The following UGGT2 variants were observed in gnomAD, a reference collection of about 807,000 sequenced individuals.
The protein encoded by UGGT2 is UDP-glucose glycoprotein glucosyltransferase 2.
UGGT2 carries 180 observed loss-of-function variants against 192.1 expected under a neutral mutation model. The observed-to-expected ratio is 0.94, with a 90% CI of 0.83 to 1.06. The LOEUF (loss-of-function observed/expected upper bound fraction) is 1.06. Ranked by LOEUF, UGGT2 falls within the 50% of genes least tolerant of loss-of-function variation. The probability of loss-of-function intolerance (pLI) is 0.00; values close to 1 mark genes in which losing one functional copy is unlikely to be tolerated. For missense variants in UGGT2, 1,849 were observed against 1,795.7 expected, an observed-to-expected ratio of 1.03 and a Z score of -0.54; for synonymous variants, 580 against 591.0, an observed-to-expected ratio of 0.98 and a Z score of 0.27.
At chr13:96,029,909 G>A (rs2139150352) in intron 2 of UGGT2, among the ~76,000 whole-genome samples, 1 of 152,256 alleles carries the variant, frequency 6.6e-6, no homozygotes, top group South Asian at 2.1e-4. Context: ...TTAGGTGAGA[G>A]ACACGAAATT....
chr13:95,869,390 T>C (rs555509957), intron 29 of UGGT2, among the ~76,000 whole-genome samples: 30 of 152,320 alleles, frequency 2.0e-4, no homozygotes, highest in African/African-American at 6.5e-4. Flanking sequence ...TATAATCCTT[T>C]GGGTATATAC....
At chr13:95,810,806 C>T (rs1884543323) in intron 38 of UGGT2, among the ~76,000 whole-genome samples, 1 of 151,990 alleles carries the variant, frequency 6.6e-6, no homozygotes, top group South Asian at 2.1e-4. Context: ...CAGAGGACAT[C>T]ATCAAGAAAA....
At chr13:95,943,705 G>C (rs1052830413) in intron 15 of UGGT2, among the ~76,000 whole-genome samples, 13 of 151,868 alleles carry the variant, frequency 8.6e-5, no homozygotes, top group African/African-American at 3.1e-4. Context: ...ATTCTTTTGA[G>C]TCTCCTCTGT....
chr13:95,996,025 G>C (rs370982750), intron 7 of UGGT2, 38 bp downstream of exon 7: 9 of 1,558,182 alleles, frequency 5.8e-6, no homozygotes, highest in Non-Finnish European at 7.1e-6. Flanking sequence ...AAAACCAATG[G>C]GTATAATAAT....
At chr13:96,018,440 T>C (rs2052405762) in intron 4 of UGGT2, among the ~76,000 whole-genome samples, 1 of 152,086 alleles carries the variant, frequency 6.6e-6, no homozygotes, top group Non-Finnish European at 1.5e-5. Context: ...AACTTGAGCC[T>C]GGGAAGCAGA....
At chr13:95,951,451 C>A (rs1396027822) in intron 12 of UGGT2, among the ~76,000 whole-genome samples, 3 of 152,096 alleles carry the variant, frequency 2.0e-5, no homozygotes, top group Non-Finnish European at 4.4e-5. Flanking sequence ...TTATCTTGAC[C>A]CAAAGGCAGC....
chr13:96,012,611 G>T (rs2052197074), intron 5 of UGGT2, among the ~76,000 whole-genome samples: 1 of 151,854 alleles, frequency 6.6e-6, no homozygotes, highest in African/African-American at 2.4e-5. Context: ...ATATTTTTAA[G>T]GTTTTAATTA....
At chr13:95,805,193 A>C (rs1195982693) in intron 38 of UGGT2, among the ~76,000 whole-genome samples, 1 of 152,138 alleles carries the variant, frequency 6.6e-6, no homozygotes, top group East Asian at 1.9e-4. Flanking sequence ...AATATGCTCA[A>C]TATCACTAAT....
intron 10 of UGGT2, 35 bp from the exon 11 acceptor site, chr13:95,972,706 T>C (rs756462118): frequency 1.1e-5 from 17 of 1,487,406 alleles, no homozygotes; most frequent in Admixed American, 1.7e-5. Context: ...TAACCAGTGA[T>C]AGAACAATAG....
intron 29 of UGGT2, among the ~76,000 whole-genome samples, chr13:95,875,312 C>T (rs888376797): frequency 6.6e-6 from 1 of 152,064 alleles, no homozygotes; most frequent in Non-Finnish European, 1.5e-5. Context: ...TTCTGATAGT[C>T]TTTATATATT....
At chr13:95,932,523 T>C (rs1357285514) in intron 17 of UGGT2, among the ~76,000 whole-genome samples, 2 of 152,180 alleles carry the variant, frequency 1.3e-5, no homozygotes, top group Non-Finnish European at 2.9e-5. Flanking sequence ...TTTCTAGGTG[T>C]AGAATCATAT....
At chr13:95,976,077 T>C (rs2050928536) in intron 10 of UGGT2, among the ~76,000 whole-genome samples, 1 of 152,120 alleles carries the variant, frequency 6.6e-6, no homozygotes, top group Non-Finnish European at 1.5e-5. Context: ...TTTGCACCCA[T>C]TAACCAACCC....
intron 12 of UGGT2, 90 bp from the exon 13 acceptor site, chr13:95,949,544 A>C (rs1178634813): frequency 2.5e-6 from 3 of 1,219,702 alleles, no homozygotes; most frequent in African/African-American, 1.6e-5. Context: ...ATAAATAAAA[A>C]TATACATAGA....
At chr13:95,862,454 C>T (rs1890248525) in intron 31 of UGGT2, among the ~76,000 whole-genome samples, 1 of 152,162 alleles carries the variant, frequency 6.6e-6, no homozygotes, top group South Asian at 2.1e-4. Flanking sequence ...GCTCACCTAA[C>T]ATCTGTTCCC....
intron 36 of UGGT2, among the ~76,000 whole-genome samples, chr13:95,849,781 C>A (rs984703462): frequency 1.3e-4 from 19 of 151,008 alleles, no homozygotes; most frequent in African/African-American, 4.6e-4. Flanking sequence ...TTTTGTCACC[C>A]AGGTAGTAAG....
intron 12 of UGGT2, among the ~76,000 whole-genome samples, chr13:95,966,609 A>G (rs2050587274): frequency 6.6e-6 from 1 of 152,232 alleles, no homozygotes; most frequent in Non-Finnish European, 1.5e-5. Context: ...CGGATACCCC[A>G]AATACACTGA....
chr13:95,894,757 G>A, intron 23 of UGGT2, 100 bp from the exon 24 acceptor site: 5 of 965,074 alleles, frequency 5.2e-6, no homozygotes, highest in East Asian at 5.0e-5. Flanking sequence ...ATCTGAACAT[G>A]GTTAAATCTA....
At chr13:95,824,682 T>A (rs569220686) in intron 38 of UGGT2, among the ~76,000 whole-genome samples, 1 of 152,124 alleles carries the variant, frequency 6.6e-6, no homozygotes. Context: ...TTCATTCATA[T>A]CCTGAATTTT....
chr13:95,909,649 G>A (rs1457387281), intron 20 of UGGT2, among the ~76,000 whole-genome samples: 4 of 147,860 alleles, frequency 2.7e-5, no homozygotes, highest in Admixed American at 1.3e-4. Flanking sequence ...TATACCTAAT[G>A]CTAGATGACG....
Sources: allele counts gnomAD v4.1 joint callset (sites outside exome capture counted in the v4.1 genomes callset), GRCh38; gene constraint gnomAD v4.1.1; transcripts MANE v1.5; gene names NCBI Gene and HGNC (gene_info 2026-07-23, HGNC 2026-07-21).